SERGEF: variants seen among roughly 807,000 people sequenced by gnomAD.
The protein encoded by SERGEF is secretion regulating guanine nucleotide exchange factor.
In SERGEF, 51 loss-of-function variants were observed where a neutral mutation model predicts 50.0. The ratio of observed to expected loss-of-function variants is 1.02; its 90% CI spans 0.81 to 1.29. The LOEUF (loss-of-function observed/expected upper bound fraction) is 1.29. Ranked by LOEUF, SERGEF falls within the 50% of genes most tolerant of loss-of-function variation. SERGEF has a pLI of 0.00. For synonymous variants in SERGEF, 205 were observed against 212.4 expected (o/e 0.97, Z 0.30); for missense variants, 521 against 557.0 (o/e 0.94, Z 0.65).
chr11:17,868,261 A>G (rs1851068709), intron 10 of SERGEF, among the ~76,000 whole-genome samples: 1 of 152,108 alleles, frequency 6.6e-6, no homozygotes, highest in Non-Finnish European at 1.5e-5. Context: ...GCTGCTTAGA[A>G]ATTTCTTCCA....
At chr11:17,912,406 C>A (rs577923043) in intron 9 of SERGEF, among the ~76,000 whole-genome samples, 1 of 152,092 alleles carries the variant, frequency 6.6e-6, no homozygotes, top group Non-Finnish European at 1.5e-5. Flanking sequence ...GGTATTGTAC[C>A]AATGCCCATT....
chr11:17,989,357 C>A (rs954811935), intron 7 of SERGEF, among the ~76,000 whole-genome samples: 1 of 152,184 alleles, frequency 6.6e-6, no homozygotes, highest in African/African-American at 2.4e-5. Context: ...AGTCAAGTGA[C>A]TCTGGCTTCT....
chr11:17,961,170 A>G (rs935039044), intron 8 of SERGEF, among the ~76,000 whole-genome samples: 2 of 152,228 alleles, frequency 1.3e-5, no homozygotes, highest in Non-Finnish European at 2.9e-5. Flanking sequence ...TGACTAGCCC[A>G]GGGTCACACA....
chr11:17,897,934 G>A (rs538652872), intron 9 of SERGEF, among the ~76,000 whole-genome samples: 3 of 152,086 alleles, frequency 2.0e-5, no homozygotes, highest in Non-Finnish European at 4.4e-5. Flanking sequence ...GTTGGTAAAC[G>A]GTCTATCAAA....
At chr11:17,865,172 A>G (rs1409594450) in intron 10 of SERGEF, among the ~76,000 whole-genome samples, 2 of 152,198 alleles carry the variant, frequency 1.3e-5, no homozygotes, top group East Asian at 3.8e-4. Flanking sequence ...CTACTGCCAT[A>G]GTAGCTGTGA....
chr11:17,875,849 G>A (rs1851229043), intron 10 of SERGEF, among the ~76,000 whole-genome samples: 1 of 152,186 alleles, frequency 6.6e-6, no homozygotes, highest in Non-Finnish European at 1.5e-5. Flanking sequence ...ACTATTTTGT[G>A]CCTTTTACAT....
At chr11:17,924,647 G>C (rs959980145) in intron 9 of SERGEF, among the ~76,000 whole-genome samples, 3 of 151,324 alleles carry the variant, frequency 2.0e-5, no homozygotes, top group African/African-American at 7.3e-5. Flanking sequence ...AGAACAGTGG[G>C]GGTGCGGGGG....
intron 10 of SERGEF, among the ~76,000 whole-genome samples, chr11:17,858,287 G>A (rs971844505): frequency 6.6e-6 from 1 of 152,158 alleles, no homozygotes; most frequent in African/African-American, 2.4e-5. Flanking sequence ...ACCCAGGGCA[G>A]CCCTGGACCT....
chr11:17,853,408 T>C (rs1850749397), intron 10 of SERGEF: 1 of 152,226 alleles, frequency 6.6e-6, no homozygotes, highest in Admixed American at 6.5e-5. Flanking sequence ...TGTAGACCTG[T>C]TAAGACGAGG....
chr11:17,891,704 A>T (rs1335676619), intron 9 of SERGEF, among the ~76,000 whole-genome samples: 1 of 152,188 alleles, frequency 6.6e-6, no homozygotes, highest in Non-Finnish European at 1.5e-5. Flanking sequence ...ATTAACATAG[A>T]ATGTGGTCTA....
At position 17,788,172 on chromosome 11, in the gene SERGEF, G is replaced by A; in HGVS notation, c.1290C>T (p.Ala430=). 1 of 1,599,646 alleles carries A rather than the reference G, an allele frequency of 6.3e-7. No homozygotes were observed. Among genetic ancestry groups the A allele is most frequent in the Non-Finnish European group, 8.6e-7 (1 of 1,168,508 alleles). Residue 430 remains alanine, a synonymous_variant, in exon 11 of 11, where the codon GCC becomes GCT. Coordinates refer to ENST00000265965, the MANE Select transcript of SERGEF (RefSeq NM_012139.4). ...DAIEDTESQK[A]MDKERNWKER... The stretch of plus-strand genomic sequence containing the variant: ...CCTTCCAGTTTCTCTCTTTGTCCAT[G>A]GCTTTCTGAGATTCAGTGTCCTCGA...
intron 9 of SERGEF, among the ~76,000 whole-genome samples, chr11:17,901,746 C>T (rs556758923): frequency 3.3e-5 from 5 of 152,292 alleles, no homozygotes; most frequent in African/African-American, 1.2e-4. Context: ...TTGACAGCAC[C>T]ATAACTACAG....
chr11:17,847,401 G>C (rs958785179), intron 10 of SERGEF, among the ~76,000 whole-genome samples: 2 of 152,190 alleles, frequency 1.3e-5, no homozygotes, highest in African/African-American at 4.8e-5. Context: ...ATCCAGTTTT[G>C]AAGTCTGACA....
At chr11:17,833,335 T>A (rs1850345383) in intron 10 of SERGEF, among the ~76,000 whole-genome samples, 5 of 152,158 alleles carry the variant, frequency 3.3e-5, no homozygotes, top group Admixed American at 3.3e-4. Flanking sequence ...AGTCAAGAAC[T>A]GGGGTTTGGG....
At chr11:17,900,407 T>C (rs1488410623) in intron 9 of SERGEF, among the ~76,000 whole-genome samples, 1 of 152,252 alleles carries the variant, frequency 6.6e-6, no homozygotes, top group Non-Finnish European at 1.5e-5. Flanking sequence ...AATCTCGGCA[T>C]TGCTATCATC....
At chr11:17,805,501 C>T (rs1041014405) in intron 10 of SERGEF, among the ~76,000 whole-genome samples, 1 of 152,182 alleles carries the variant, frequency 6.6e-6, no homozygotes, top group Non-Finnish European at 1.5e-5. Context: ...TTCCAAAGCT[C>T]CATCAGCCCC....
chr11:17,833,149 A>G (rs753986378), intron 10 of SERGEF, among the ~76,000 whole-genome samples: 6 of 152,092 alleles, frequency 3.9e-5, no homozygotes, highest in Non-Finnish European at 7.4e-5. Flanking sequence ...TAGGAGGAAA[A>G]TATTATTTTG....
intron 10 of SERGEF, among the ~76,000 whole-genome samples, chr11:17,843,098 C>T (rs1850535184): frequency 6.6e-6 from 1 of 152,158 alleles, no homozygotes; most frequent in Non-Finnish European, 1.5e-5. Flanking sequence ...AGAGAACAGG[C>T]CACACTTAAA....
At chr11:17,997,533 T>C (rs77106445) in intron 5 of SERGEF, among the ~76,000 whole-genome samples, 1 of 152,092 alleles carries the variant, frequency 6.6e-6, no homozygotes, top group Non-Finnish European at 1.5e-5. Context: ...TGGGTACACA[T>C]CCAAAAGAAT....
Sources: gnomAD v4.1 joint callset for allele counts (sites outside exome capture counted in the v4.1 genomes callset) on GRCh38, gnomAD v4.1.1 for gene constraint, MANE v1.5 for transcripts, NCBI Gene and HGNC (gene_info 2026-07-23, HGNC 2026-07-21) for gene names.